Variants in DLGAP4 observed in about 807,000 individuals in gnomAD.
DLGAP4 encodes DLG associated protein 4.
Under a neutral mutation model 86.9 loss-of-function variants are expected in DLGAP4, and 18 were observed. The observed-to-expected ratio is 0.21, with a 90% CI of 0.14 to 0.31. The LOEUF (loss-of-function observed/expected upper bound fraction) is 0.31, where lower values mean the gene tolerates loss of function less well. Ranked by LOEUF, DLGAP4 falls within the 10% of genes least tolerant of loss-of-function variation. The pLI is 1.00. For missense variants in DLGAP4, 1,085 were observed against 1,362.6 expected (o/e 0.80, Z 3.21); for synonymous variants, 548 against 574.3 (o/e 0.95, Z 0.65).
chr20:36,461,748 T>TCCGCCCGC (rs556566313), intron 7 of DLGAP4: 13,093 of 850,498 alleles, frequency 0.015, 197 homozygotes, highest in Middle Eastern at 0.03. Context: ...CGTCCGTCCG[T>TCCGCCCGC]CCGCCCGCCC....
chr20:36,487,471 G>A (rs1468822866), intron 7 of DLGAP4, among the ~76,000 whole-genome samples: 1 of 152,188 alleles, frequency 6.6e-6, no homozygotes, highest in Non-Finnish European at 1.5e-5. Flanking sequence ...AGGAAGCTGA[G>A]GATCCTGAGA....
At chr20:36,449,932 A>G (rs889792910) in intron 7 of DLGAP4, among the ~76,000 whole-genome samples, 1 of 152,210 alleles carries the variant, frequency 6.6e-6, no homozygotes, top group Non-Finnish European at 1.5e-5. Context: ...CATGTCTTTC[A>G]TCCTCCTCCT....
At chr20:36,313,676 T>C (rs1018826620) in intron 1 of DLGAP4, among the ~76,000 whole-genome samples, 101 of 152,088 alleles carry the variant, frequency 6.6e-4, no homozygotes, top group Middle Eastern at 6.8e-3. Context: ...GCCTGTGTTT[T>C]CCATGGGCAC....
chr20:36,311,432 A>G (rs2065052649), intron 1 of DLGAP4, among the ~76,000 whole-genome samples: 1 of 152,142 alleles, frequency 6.6e-6, no homozygotes, highest in South Asian at 2.1e-4. Context: ...AAAACCCAAA[A>G]TGAATGGAAG....
chr20:36,518,381 T>TTAA (rs1298712376), intron 10 of DLGAP4, among the ~76,000 whole-genome samples: 5 of 152,150 alleles, frequency 3.3e-5, no homozygotes, highest in African/African-American at 1.2e-4. Flanking sequence ...ACAGGGTTTG[T>TTAA]TAATTTTATT....
Position 36,308,134 on chromosome 20 carries a change from G to T in DLGAP4, c.-304+1622G>T, listed in dbSNP as rs1256509014. Among the ~76,000 whole-genome samples the T allele has an allele frequency of 6.6e-6, 1 of 152,216 alleles. No homozygotes were observed. The highest frequency in any genetic ancestry group is 1.5e-5 in the Non-Finnish European group (1 of 68,040). ...CTGGCTGTGCACGTGGGGCTGGCTA[G>T]AGTGCCTGTCTCCCGCTGTGGCAGG... On this transcript the variant is annotated intron_variant, in intron 1 of 12. Coordinates refer to ENST00000339266, the MANE Select transcript of DLGAP4 (RefSeq NM_001365621.2). The surrounding 1 kb of genome is among the most constrained non-coding windows in gnomAD (Gnocchi z 4.5).
intron 7 of DLGAP4, among the ~76,000 whole-genome samples, chr20:36,489,919 C>A (rs931121801): frequency 7.2e-6 from 1 of 139,152 alleles, no homozygotes; most frequent in Non-Finnish European, 1.5e-5. Flanking sequence ...AGTGCAGTGG[C>A]GCAATCCTGG....
chr20:36,411,564 C>A (rs2032499826), intron 2 of DLGAP4, among the ~76,000 whole-genome samples: 1 of 152,216 alleles, frequency 6.6e-6, no homozygotes, highest in Admixed American at 6.5e-5. Flanking sequence ...GCCCCACACA[C>A]CCATCATTTC....
At chr20:36,487,195 GGA>G (rs2035455967) in intron 7 of DLGAP4, among the ~76,000 whole-genome samples, 1 of 152,148 alleles carries the variant, frequency 6.6e-6, no homozygotes, top group Non-Finnish European at 1.5e-5. Flanking sequence ...CCCCTCTCTG[GGA>G]GAGCAAGGCT....
intron 10 of DLGAP4, among the ~76,000 whole-genome samples, chr20:36,503,493 T>TC (rs2036232419): frequency 1.4e-5 from 2 of 142,822 alleles, no homozygotes; most frequent in African/African-American, 5.3e-5. Flanking sequence ...TTTTTTTTTT[T>TC]TTTTTTTTTT....
Position 36,383,058 on chromosome 20 carries a change from G to A in DLGAP4, c.-73+15783G>A, listed in dbSNP as rs1207382365. 2.0e-5 allele frequency among the ~76,000 whole-genome samples: 3 copies of A among 152,294 alleles called. No homozygotes were observed. In the East Asian group the frequency reaches 5.8e-4, roughly 29 times the overall value. On this transcript the variant is annotated intron_variant, in intron 2 of 12. Coordinates refer to ENST00000339266, the MANE Select transcript of DLGAP4 (RefSeq NM_001365621.2). ...CATCTTAATGCACCACAACTCTGAG[G>A]AGGTGGCCTTCTTCCCATGTATCAG... is the stretch of plus-strand genomic sequence containing the variant.
At chr20:36,494,178 A>G (rs2035784630) in intron 7 of DLGAP4, among the ~76,000 whole-genome samples, 3 of 152,162 alleles carry the variant, frequency 2.0e-5, no homozygotes, top group Admixed American at 2.0e-4. Flanking sequence ...GGACATTTCA[A>G]ACAGACGAGT....
chr20:36,323,592 C>A (rs1555890800), intron 1 of DLGAP4, among the ~76,000 whole-genome samples: 1 of 152,100 alleles, frequency 6.6e-6, no homozygotes, highest in Non-Finnish European at 1.5e-5. Context: ...GAAACTTTTG[C>A]GGTTATTTCT....
rs1024828206 is a variant in DLGAP4 at position 36,431,124 on chromosome 20, C to A, written c.-72-522C>A. Among the ~76,000 whole-genome samples, 1 of 124,784 alleles carries A rather than the reference C, an allele frequency of 8.0e-6. No homozygotes were observed. Among genetic ancestry groups the A allele is most frequent in the Non-Finnish European group, 1.8e-5 (1 of 54,554 alleles). 81.9% of individuals were successfully genotyped at this position (124,784 alleles called of 152,430 possible). A position where few individuals can be genotyped will look rare whatever the true frequency, so the allele number is the denominator to read the frequency against. ...TGGGATTCCCTGCCCAAATGACCCA[C>A]GCCTGCCTCCAGGGCCAGCACAGGG... On this transcript the variant is annotated intron_variant, in intron 2 of 12. Transcript: ENST00000339266. The surrounding 1 kb of genome is among the most constrained non-coding windows in gnomAD (Gnocchi z 5.1).
At chr20:36,513,428 G>A (rs8120359) in intron 10 of DLGAP4, among the ~76,000 whole-genome samples, 2,624 of 150,354 alleles carry the variant, frequency 0.017, 95 homozygotes, top group African/African-American at 0.061. Context: ...GGCGCCTGTA[G>A]TCCCAGCTAC....
At chr20:36,516,801 C>A (rs576340758) in intron 10 of DLGAP4, among the ~76,000 whole-genome samples, 13 of 151,776 alleles carry the variant, frequency 8.6e-5, no homozygotes, top group African/African-American at 3.1e-4. Context: ...ATCAAAAGTT[C>A]TGTGTATGGC....
rs2032017046 is a variant in DLGAP4, at chr20:36,396,827, AG to A, written c.-73+29555del. 4.6e-5 allele frequency among the ~76,000 whole-genome samples: 7 copies of A among 152,194 alleles called. No individual in the cohort carries two copies. The South Asian group carries it at 1.5e-3, about 32-fold the overall frequency. ...CATAACGAGCCCTGCCTGCCCTCTC[AG>A]GGCGGTTGCATTCAAATGATTCAGA... On this transcript the variant is annotated intron_variant, in intron 2 of 12. Transcript: ENST00000339266.
At position 36,392,127 on chromosome 20, in the gene DLGAP4, G is replaced by A. The variant is rs1397363211; in HGVS notation, c.-73+24852G>A. On this transcript the variant is annotated intron_variant, in intron 2 of 12. Coordinates refer to ENST00000339266, the MANE Select transcript of DLGAP4 (RefSeq NM_001365621.2). ...GTGAGGCAGCAGGGATGGAAAGCCA[G>A]TGAGCTGGGGGGCAGGAGCTGTTGG... Among the ~76,000 whole-genome samples, 5 of 152,356 alleles carry A rather than the reference G, an allele frequency of 3.3e-5. No homozygotes were observed. The East Asian group carries it at 9.7e-4, about 29-fold the overall frequency.
intron 1 of DLGAP4, among the ~76,000 whole-genome samples, chr20:36,349,985 G>A (rs2030095632): frequency 6.6e-6 from 1 of 152,138 alleles, no homozygotes; most frequent in South Asian, 2.1e-4. Context: ...AGCCCCATCA[G>A]GCACAGCTGT....
Sources: allele counts gnomAD v4.1 joint callset (sites outside exome capture counted in the v4.1 genomes callset), GRCh38; gene constraint gnomAD v4.1.1; non-coding constraint Gnocchi (gnomAD v3.1); transcripts MANE v1.5; gene names NCBI Gene and HGNC (gene_info 2026-07-23, HGNC 2026-07-21).